DCC: variants seen among roughly 807,000 people sequenced by gnomAD.
The protein encoded by DCC is DCC netrin 1 receptor.
In DCC, 58 loss-of-function variants were observed where a neutral mutation model predicts 172.5. The observed-to-expected ratio is 0.34, with a 90% confidence interval of 0.27 to 0.42. The LOEUF is 0.42. DCC is among the 10% of genes least tolerant of loss of function. DCC has a pLI of 1.00. For synonymous variants in DCC, 709 were observed against 644.5 expected (o/e 1.10, Z -1.52); for missense variants, 1,740 against 1,791.0 (o/e 0.97, Z 0.51).
intron 1 of DCC, among the ~76,000 whole-genome samples, chr18:52,678,038 AC>A (rs2035677105): frequency 6.6e-6 from 1 of 152,188 alleles, no homozygotes; most frequent in African/African-American, 2.4e-5. Context: ...GGTATAAACT[AC>A]AAAGATGGGC....
intron 14 of DCC, among the ~76,000 whole-genome samples, chr18:53,335,545 T>C (rs1224578463): frequency 6.6e-6 from 1 of 152,158 alleles, no homozygotes; most frequent in African/African-American, 2.4e-5. Context: ...CGTCTACATA[T>C]ATTACATATG....
chr18:52,874,962 G>A (rs892296882), intron 2 of DCC, among the ~76,000 whole-genome samples: 2 of 152,090 alleles, frequency 1.3e-5, no homozygotes, highest in Admixed American at 6.6e-5. Flanking sequence ...GGTGGACTTT[G>A]GGCTGTGGGG....
intron 1 of DCC, among the ~76,000 whole-genome samples, chr18:52,651,012 T>C (rs978080139): frequency 6.6e-6 from 1 of 152,200 alleles, no homozygotes; most frequent in Non-Finnish European, 1.5e-5. Context: ...GCTTTCATTC[T>C]TTTTTTATGA....
At chr18:53,161,546 C>G (rs1408195785) in intron 8 of DCC, among the ~76,000 whole-genome samples, 1 of 152,150 alleles carries the variant, frequency 6.6e-6, no homozygotes, top group African/African-American at 2.4e-5. Context: ...CTGGTCCTAA[C>G]TTTTTTACCT....
chr18:53,270,830 A>G (rs1177680094), intron 12 of DCC, among the ~76,000 whole-genome samples: 3 of 152,144 alleles, frequency 2.0e-5, no homozygotes, highest in African/African-American at 7.2e-5. Context: ...ACTTATTATT[A>G]AGAGAAAACT....
At chr18:53,231,314 T>C (rs1230475449) in intron 12 of DCC, among the ~76,000 whole-genome samples, 3 of 152,110 alleles carry the variant, frequency 2.0e-5, no homozygotes, top group African/African-American at 7.2e-5. Context: ...TTTCTGAATG[T>C]GCTCTTGGCT....
At position 52,345,761 on chromosome 18, in the gene DCC, T is replaced by G. The variant is rs1983850904; in HGVS notation, c.91+4883T>G. The stretch of plus-strand genomic sequence containing the variant: ...GGGGATTTGCCTTAAAAATAAATTT[T>G]TAAATGTTCATGCATGCTGCTTTTG... On this transcript the variant is annotated intron_variant, in intron 1 of 28. Coordinates refer to ENST00000442544, the MANE Select transcript of DCC (RefSeq NM_005215.4). Among the ~76,000 whole-genome samples, 3 of 152,316 alleles carry G rather than the reference T, an allele frequency of 2.0e-5. No individual in the cohort carries two copies. The South Asian group carries it at 6.2e-4, about 32-fold the overall frequency.
intron 2 of DCC, among the ~76,000 whole-genome samples, chr18:52,860,481 A>T (rs2039123312): frequency 6.6e-6 from 1 of 152,212 alleles, no homozygotes. Context: ...ATAGACAAAT[A>T]AAAAAACCTC....
intron 1 of DCC, among the ~76,000 whole-genome samples, chr18:52,486,707 A>G (rs1460966091): frequency 6.6e-6 from 1 of 152,116 alleles, no homozygotes; most frequent in Non-Finnish European, 1.5e-5. Context: ...TGCGAGTCTT[A>G]TATCTGTTAA....
intron 24 of DCC, among the ~76,000 whole-genome samples, chr18:53,460,242 C>T (rs1169725257): frequency 8.0e-6 from 1 of 125,120 alleles, no homozygotes; most frequent in African/African-American, 2.8e-5. Context: ...CCTTGGTCTA[C>T]TCATAATGTG....
intron 1 of DCC, among the ~76,000 whole-genome samples, chr18:52,687,190 A>G (rs2035851401): frequency 6.6e-6 from 1 of 152,138 alleles, no homozygotes. Flanking sequence ...GATTTGCCCA[A>G]ACAATATGGA....
At chr18:53,471,647 C>T (rs2145191319) in intron 25 of DCC, among the ~76,000 whole-genome samples, 1 of 152,252 alleles carries the variant, frequency 6.6e-6, no homozygotes, top group South Asian at 2.1e-4. Flanking sequence ...TAACCTTCCC[C>T]TGTGTTCCTT....
At chr18:52,941,861 C>T (rs1453715669) in intron 5 of DCC, among the ~76,000 whole-genome samples, 1 of 152,068 alleles carries the variant, frequency 6.6e-6, no homozygotes, top group Non-Finnish European at 1.5e-5. Context: ...TGGCTCACTG[C>T]AATCTCTGCC....
intron 21 of DCC, 51 bp from the exon 22 acceptor site, chr18:53,435,093 T>G: frequency 7.7e-7 from 1 of 1,306,008 alleles, no homozygotes; most frequent in Non-Finnish European, 1.1e-6. Flanking sequence ...CTTTTTGTCT[T>G]CATTTTGTTT....
rs1379800205 is a variant in DCC, at chr18:53,499,295, C to T, written c.3899-3C>T. On this transcript the variant is annotated splice_polypyrimidine_tract_variant and splice_region_variant and intron_variant, in intron 26 of 28. Coordinates refer to ENST00000442544, the MANE Select transcript of DCC (RefSeq NM_005215.4). ...TGAATGACTTTTCTTGTCTCCACTG[C>T]AGCAGTGAGTGAAGGACCAACTACC... The T allele has an allele frequency of 6.2e-7, 1 of 1,613,966 alleles. No homozygotes were observed. Among genetic ancestry groups the T allele is most frequent in the Non-Finnish European group, 8.5e-7 (1 of 1,179,940 alleles).
intron 12 of DCC, among the ~76,000 whole-genome samples, chr18:53,301,161 C>T (rs1051877818): frequency 6.7e-6 from 1 of 149,136 alleles, no homozygotes; most frequent in Non-Finnish European, 1.5e-5. Context: ...GTGATCTCGG[C>T]TCACTGCAAC....
intron 7 of DCC, among the ~76,000 whole-genome samples, chr18:53,075,017 G>A (rs748372239): frequency 3.3e-5 from 5 of 152,006 alleles, no homozygotes; most frequent in Non-Finnish European, 5.9e-5. Context: ...GTCTTTTGTT[G>A]GTTTTGTTTA....
chr18:53,003,616 T>C (rs2041599665), intron 5 of DCC, among the ~76,000 whole-genome samples: 2 of 152,148 alleles, frequency 1.3e-5, no homozygotes, highest in Non-Finnish European at 1.5e-5. Flanking sequence ...AGACTTTCTA[T>C]ACCTATCTCA....
chr18:52,569,363 TCA>T (rs1377018326), intron 1 of DCC, among the ~76,000 whole-genome samples: 1 of 152,174 alleles, frequency 6.6e-6, no homozygotes, highest in East Asian at 1.9e-4. Context: ...ATGATCAACC[TCA>T]CAGAGTTAAC....
Sources: gnomAD v4.1 joint callset for allele counts (sites outside exome capture counted in the v4.1 genomes callset) on GRCh38, gnomAD v4.1.1 for gene constraint, MANE v1.5 for transcripts, NCBI Gene and HGNC (gene_info 2026-07-23, HGNC 2026-07-21) for gene names.